Variants in CHM observed in about 807,000 individuals in gnomAD.
CHM encodes CHM Rab escort protein.
In CHM, 10 loss-of-function variants were observed where a neutral mutation model predicts 49.0. The ratio of observed to expected loss-of-function variants is 0.20; its 90% CI spans 0.13 to 0.35. CHM has a LOEUF of 0.35. Among genes scored for constraint, CHM ranks in the 10% least tolerant of loss-of-function variants. CHM has a pLI of 1.00. For synonymous variants in CHM, 184 were observed against 167.5 expected (o/e 1.10, Z -0.76); for missense variants, 455 against 478.4 (o/e 0.95, Z 0.46).
intron 2 of CHM, among the ~76,000 whole-genome samples, chrX:85,998,319 C>T (rs1932540022): frequency 9.0e-6 from 1 of 111,178 alleles, no homozygotes; most frequent in Non-Finnish European, 1.9e-5. Context: ...TCATACTCTC[C>T]TTCATCTGTC....
chrX:86,019,024 G>A (rs367756025), intron 2 of CHM, among the ~76,000 whole-genome samples: 3 of 111,349 alleles, frequency 2.7e-5, no homozygotes, highest in Non-Finnish European at 5.6e-5. Context: ...TGTAACTTAC[G>A]TCTCTGGAGA....
intron 8 of CHM, among the ~76,000 whole-genome samples, chrX:85,926,370 G>C (rs1021211070): frequency 9.0e-6 from 1 of 111,270 alleles, no homozygotes; most frequent in Non-Finnish European, 1.9e-5. Flanking sequence ...GCTCCCCCTT[G>C]TTCATACCTT....
chrX:85,889,242 C>T (rs1385994693), intron 12 of CHM, among the ~76,000 whole-genome samples: 3 of 111,731 alleles, frequency 2.7e-5, no homozygotes, highest in Non-Finnish European at 5.6e-5. Context: ...AGAGCATGTA[C>T]CCAGCAAAAG....
At chrX:85,899,167 G>A (rs1024647168) in intron 11 of CHM, among the ~76,000 whole-genome samples, 1 of 111,299 alleles carries the variant, frequency 9.0e-6, no homozygotes, top group Non-Finnish European at 1.9e-5. Context: ...TATAAAATAT[G>A]GTCAGAAGGA....
At chrX:86,009,236 A>C (rs755323225) in intron 2 of CHM, among the ~76,000 whole-genome samples, 17 of 112,351 alleles carry the variant, frequency 1.5e-4, no homozygotes, top group African/African-American at 5.2e-4. Flanking sequence ...TATTTATTGA[A>C]TCTCCCATAT....
rs368582241 is a variant in CHM, at chrX:85,968,358, G to C, written c.315-4306C>G. Among the ~76,000 whole-genome samples the C allele has an allele frequency of 7.1e-5, 8 of 112,164 alleles. No homozygotes were observed. The East Asian group carries it at 2.3e-3, about 32-fold the overall frequency. On this transcript the variant is annotated intron_variant, in intron 4 of 14. Coordinates refer to ENST00000357749, the MANE Select transcript of CHM (RefSeq NM_000390.4). The stretch of plus-strand genomic sequence containing the variant: ...AGGTGAAATGTCAACCTCTTGTCAT[G>C]TTTACCCAAGAACAAAACTTCATAA...
intron 4 of CHM, among the ~76,000 whole-genome samples, chrX:85,972,876 GAGCA>G (rs1931026262): frequency 1.8e-5 from 2 of 112,570 alleles, no homozygotes; most frequent in South Asian, 3.7e-4. Context: ...GAGGCGCCGA[GAGCA>G]AGCGAGGGCT....
chrX:85,925,211 C>A lies in CHM; in HGVS notation c.1167-13873G>T, dbSNP rs535882718. Among the ~76,000 whole-genome samples, 17 of 111,233 alleles carry A rather than the reference C, an allele frequency of 1.5e-4. No individual in the cohort carries two copies. The South Asian group carries it at 5.7e-3, about 37-fold the overall frequency. On this transcript the variant is annotated intron_variant, in intron 8 of 14. Coordinates refer to ENST00000357749, the MANE Select transcript of CHM (RefSeq NM_000390.4). ...TTGGGTCAAACCCTAGCCTCCATAT[C>A]TATGTTTCATAAGTACAGTGACCAC...
At chrX:86,027,140 T>C in intron 2 of CHM, 2 of 191,926 alleles carry the variant, frequency 1.0e-5, no homozygotes, top group East Asian at 1.2e-4. Context: ...CAATAGCATA[T>C]ATAGGTTGTA....
intron 1 of CHM, among the ~76,000 whole-genome samples, chrX:86,034,011 G>A (rs867302390): frequency 1.8e-5 from 2 of 111,374 alleles, no homozygotes; most frequent in South Asian, 7.6e-4. Context: ...AGCCTTTAGG[G>A]ATGGCTAATA....
At chrX:85,980,176 G>T (rs1226168621) in intron 3 of CHM, among the ~76,000 whole-genome samples, 1 of 107,464 alleles carries the variant, frequency 9.3e-6, no homozygotes, top group Non-Finnish European at 1.9e-5. Context: ...TTGTTGTTTT[G>T]AGAATCTACA....
intron 8 of CHM, among the ~76,000 whole-genome samples, chrX:85,948,133 T>C (rs762431365): frequency 2.7e-5 from 3 of 112,094 alleles, no homozygotes; most frequent in Admixed American, 9.5e-5. Context: ...TAACAGGTTA[T>C]AAATACCTGA....
At chrX:86,040,777 ACT>A (rs1934427079) in intron 1 of CHM, among the ~76,000 whole-genome samples, 1 of 111,879 alleles carries the variant, frequency 8.9e-6, no homozygotes, top group Non-Finnish European at 1.9e-5. Flanking sequence ...TAAATTATCA[ACT>A]CTTTTTACAC....
intron 8 of CHM, among the ~76,000 whole-genome samples, chrX:85,926,362 T>C (rs1230662981): frequency 9.0e-6 from 1 of 111,296 alleles, no homozygotes; most frequent in Non-Finnish European, 1.9e-5. Flanking sequence ...GTTCACTGGC[T>C]CCCCCTTGTT....
chrX:85,961,323 G>A (rs1340203987), intron 5 of CHM, among the ~76,000 whole-genome samples: 2 of 106,493 alleles, frequency 1.9e-5, no homozygotes, highest in Non-Finnish European at 3.9e-5. Context: ...AGGGGGCTGA[G>A]GCAGGAGAAT....
At chrX:85,927,822 T>A (rs1928182425) in intron 8 of CHM, among the ~76,000 whole-genome samples, 1 of 112,208 alleles carries the variant, frequency 8.9e-6, no homozygotes, top group African/African-American at 3.2e-5. Context: ...CCCTTCTACA[T>A]ATGCTTTACA....
intron 2 of CHM, among the ~76,000 whole-genome samples, chrX:85,986,189 T>C (rs1931900506): frequency 1.8e-5 from 2 of 111,480 alleles, no homozygotes; most frequent in Non-Finnish European, 3.8e-5. Context: ...TCCTGAATCC[T>C]GGACTGCTCT....
intron 12 of CHM, among the ~76,000 whole-genome samples, chrX:85,882,846 T>C (rs1028931028): frequency 9.0e-6 from 1 of 111,396 alleles, no homozygotes; most frequent in Non-Finnish European, 1.9e-5. Context: ...CAATGTACAG[T>C]AGCAGAGTGA....
chrX:86,004,661 A>C (rs757655451), intron 2 of CHM, among the ~76,000 whole-genome samples: 1 of 112,382 alleles, frequency 8.9e-6, no homozygotes, highest in East Asian at 2.8e-4. Flanking sequence ...CAAAAGAGAC[A>C]AAGAAGGCCA....
Sources: allele counts gnomAD v4.1 joint callset (sites outside exome capture counted in the v4.1 genomes callset), GRCh38; gene constraint gnomAD v4.1.1; transcripts MANE v1.5; gene names NCBI Gene and HGNC (gene_info 2026-07-23, HGNC 2026-07-21).